The following LGR5 variants were observed in gnomAD, a reference collection of about 807,000 sequenced individuals.
LGR5 encodes leucine-rich repeat-containing G protein-coupled receptor 5.
A neutral mutation model predicts 76.7 loss-of-function variants in LGR5; 54 were observed. The ratio of observed to expected loss-of-function variants is 0.70; its 90% CI spans 0.57 to 0.88. LGR5 has a LOEUF of 0.88. LGR5 is among the 40% of genes least tolerant of loss of function. The probability of loss-of-function intolerance (pLI) is 0.00; values close to 1 mark genes in which losing one functional copy is unlikely to be tolerated. For synonymous variants in LGR5, 406 were observed against 421.9 expected (o/e 0.96, Z 0.46); for missense variants, 1,078 against 1,073.3 (o/e 1.00, Z -0.06).
At chr12:71,551,341 T>C in intron 4 of LGR5, among the ~76,000 whole-genome samples, 1 of 152,232 alleles carries the variant, frequency 6.6e-6, no homozygotes, top group East Asian at 1.9e-4. Context: ...CATTTCTAAA[T>C]TGTTTAATTT....
upstream of LGR5, among the ~76,000 whole-genome samples, chr12:71,439,523 G>T (rs1014839641): frequency 6.6e-6 from 1 of 151,968 alleles, no homozygotes; most frequent in Non-Finnish European, 1.5e-5. Context: ...CGCATGAAGG[G>T]GTAAGGGTGG....
Position 71,440,030 on chromosome 12 carries a change from C to T in LGR5, c.-51C>T, listed in dbSNP as rs371327811. 8.3e-6 allele frequency: 13 copies of T among 1,562,964 alleles called. No individual in the cohort carries two copies. The highest frequency in any genetic ancestry group is 1.0e-5 in the Non-Finnish European group (12 of 1,148,966). On this transcript the variant is annotated 5_prime_UTR_variant, in exon 1 of 18. Coordinates refer to ENST00000266674, the MANE Select transcript of LGR5 (RefSeq NM_003667.4). This position sits in a 1 kb window ranked among gnomAD's most constrained non-coding sequence, Gnocchi z 5.3. ...CGGCGCGCCACGGCCCGTAGCAGTC[C>T]GGTGCTGCTCTCCGCCCGCGTCCGG... is the stretch of plus-strand genomic sequence containing the variant.
intron 4 of LGR5, among the ~76,000 whole-genome samples, chr12:71,549,522 T>C (rs1020603233): frequency 6.6e-6 from 1 of 152,216 alleles, no homozygotes; most frequent in Non-Finnish European, 1.5e-5. Context: ...CATTTTACAA[T>C]GTATACATAT....
At chr12:71,464,475 G>A (rs1356082222) in intron 1 of LGR5, among the ~76,000 whole-genome samples, 2 of 152,154 alleles carry the variant, frequency 1.3e-5, no homozygotes, top group African/African-American at 2.4e-5. Flanking sequence ...CACTTAATAA[G>A]TGTTTTAGGA....
chr12:71,463,943 T>G (rs545492018), intron 1 of LGR5, among the ~76,000 whole-genome samples: 17 of 152,220 alleles, frequency 1.1e-4, no homozygotes, highest in Admixed American at 8.5e-4. Flanking sequence ...AGGAGGCCTT[T>G]GTCAGTATAG....
At chr12:71,540,118 AC>A (rs1368480170) in intron 4 of LGR5, among the ~76,000 whole-genome samples, 1 of 152,150 alleles carries the variant, frequency 6.6e-6, no homozygotes, top group African/African-American at 2.4e-5. Flanking sequence ...ACCCTCCCAT[AC>A]CCTCACACTT....
intron 3 of LGR5, among the ~76,000 whole-genome samples, chr12:71,526,213 T>C (rs1214547336): frequency 2.0e-5 from 3 of 152,226 alleles, no homozygotes; most frequent in Non-Finnish European, 4.4e-5. Context: ...TGTTTATTAA[T>C]GGAATATCTA....
chr12:71,523,843 T>C (rs1875845439), intron 2 of LGR5, among the ~76,000 whole-genome samples: 1 of 152,226 alleles, frequency 6.6e-6, no homozygotes, highest in Non-Finnish European at 1.5e-5. Flanking sequence ...CTCTCTTTGT[T>C]TTCAATTTTT....
intron 8 of LGR5, among the ~76,000 whole-genome samples, chr12:71,565,177 A>G (rs911126885): frequency 2.0e-5 from 3 of 151,972 alleles, no homozygotes; most frequent in Non-Finnish European, 2.9e-5. Flanking sequence ...AAGAGGATTT[A>G]GGTTTGTTGG....
chr12:71,561,405 C>T (rs1178248172), intron 7 of LGR5, among the ~76,000 whole-genome samples: 2 of 152,168 alleles, frequency 1.3e-5, no homozygotes, highest in African/African-American at 4.8e-5. Flanking sequence ...TCAATTTTCT[C>T]TTCTAGCTTC....
At chr12:71,539,661 A>G (rs1186858687) in intron 4 of LGR5, among the ~76,000 whole-genome samples, 6 of 152,112 alleles carry the variant, frequency 3.9e-5, no homozygotes, top group Admixed American at 3.9e-4. Flanking sequence ...GTATTTTTGT[A>G]GAGACAGGGT....
chr12:71,538,503 C>T (rs932614874), intron 4 of LGR5, among the ~76,000 whole-genome samples: 1 of 151,472 alleles, frequency 6.6e-6, no homozygotes, highest in African/African-American at 2.4e-5. Context: ...GGATAGGACT[C>T]ATGCATGCAC....
At chr12:71,495,872 T>C (rs1252151661) in intron 1 of LGR5, among the ~76,000 whole-genome samples, 1 of 151,656 alleles carries the variant, frequency 6.6e-6, no homozygotes, top group Non-Finnish European at 1.5e-5. Context: ...TATCAGTGTA[T>C]AGTTTCACTT....
At position 71,566,841 on chromosome 12, in the gene LGR5, G is replaced by T. The variant is rs1322017178; in HGVS notation, c.999G>T (p.Leu333=). The change falls in exon 11 of 18, where the codon CTG becomes CTT. Residue 333 remains leucine (L), a splice_region_variant and synonymous_variant. Transcript: ENST00000266674. ...TTATGTCTGGTTTGTGTTTTAACAG[G>T]ACTTTAACTGGAGCACAGATCTCAT... ...DLTGTANLES[L]TLTGAQISSL... is the part of the protein sequence containing the mutation. 2 of 1,613,166 alleles carry T rather than the reference G, an allele frequency of 1.2e-6. No individual in the cohort carries two copies. The highest frequency in any genetic ancestry group is 2.7e-5 in the African/African-American group (2 of 74,906).
chr12:71,448,084 AACACACAC>A (rs35911721), intron 1 of LGR5, among the ~76,000 whole-genome samples: 1 of 145,680 alleles, frequency 6.9e-6, no homozygotes, highest in Non-Finnish European at 1.5e-5. Flanking sequence ...CACACACACA[AACACACAC>A]ACACACACAC....
At chr12:71,531,168 G>A (rs573287416) in intron 3 of LGR5, among the ~76,000 whole-genome samples, 1 of 152,272 alleles carries the variant, frequency 6.6e-6, no homozygotes, top group Admixed American at 6.5e-5. Flanking sequence ...CTAATCATAT[G>A]TGAATGATAA....
chr12:71,476,243 C>A (rs1003104043), intron 1 of LGR5, among the ~76,000 whole-genome samples: 2 of 152,186 alleles, frequency 1.3e-5, no homozygotes, highest in African/African-American at 4.8e-5. Flanking sequence ...ATCCCATCTG[C>A]TTCAAGAAGC....
In LGR5 at chr12:71,584,045, T is replaced by G; in HGVS notation, c.2035T>G (p.Ser679Ala). 1 of 1,614,212 alleles carries G rather than the reference T, an allele frequency of 6.2e-7. No homozygotes were observed. Among genetic ancestry groups the G allele is most frequent in the African/African-American group, 1.3e-5 (1 of 75,064 alleles). The stretch of plus-strand genomic sequence containing the variant: ...AAAATTTGAAACGAAAGCTCCATTT[T>G]CTAGCCTGAAAGTAATCATTTTGCT... ...SAKFETKAPF[S>A]SLKVIILLCA... Residue 679 changes from serine (S) to alanine (A), a missense_variant, in exon 18 of 18, where the codon TCT (serine) becomes GCT (alanine). Coordinates refer to ENST00000266674, the MANE Select transcript of LGR5 (RefSeq NM_003667.4).
chr12:71,504,771 T>C, intron 2 of LGR5, 86 bp downstream of exon 2: 1 of 1,146,552 alleles, frequency 8.7e-7, no homozygotes, highest in Non-Finnish European at 1.3e-6. Context: ...GGGAACCAGA[T>C]AAAACAAGGC....
Sources: allele counts gnomAD v4.1 joint callset (sites outside exome capture counted in the v4.1 genomes callset), GRCh38; gene constraint gnomAD v4.1.1; non-coding constraint Gnocchi (gnomAD v3.1); transcripts MANE v1.5; gene names NCBI Gene and HGNC (gene_info 2026-07-23, HGNC 2026-07-21).